The following JAZF1 variants were observed in gnomAD, a reference collection of about 807,000 sequenced individuals.
The protein encoded by JAZF1 is juxtaposed with another zinc finger protein 1.
JAZF1 carries 8 observed loss-of-function variants against 26.4 expected under a neutral mutation model. The observed-to-expected ratio is 0.30, with a 90% CI of 0.18 to 0.55. JAZF1 has a LOEUF of 0.55. Ranked by LOEUF, JAZF1 falls within the 20% of genes least tolerant of loss-of-function variation. JAZF1 has a pLI of 0.94. For synonymous variants in JAZF1, 126 were observed against 122.3 expected (o/e 1.03, Z -0.20); for missense variants, 199 against 322.0 (o/e 0.62, Z 2.92).
chr7:27,850,233 T>C (rs1416462535), intron 3 of JAZF1, among the ~76,000 whole-genome samples: 1 of 152,196 alleles, frequency 6.6e-6, no homozygotes, highest in Non-Finnish European at 1.5e-5. Flanking sequence ...TGACCCACTT[T>C]ATAGGAGCTG....
At chr7:28,091,389 C>T (rs1009439278) in intron 1 of JAZF1, among the ~76,000 whole-genome samples, 4 of 151,752 alleles carry the variant, frequency 2.6e-5, no homozygotes, top group African/African-American at 9.7e-5. Flanking sequence ...GAGGCATTTT[C>T]CCTTGCTCCC....
intron 1 of JAZF1, among the ~76,000 whole-genome samples, chr7:28,077,382 T>A (rs1784068525): frequency 6.6e-6 from 1 of 152,236 alleles, no homozygotes; most frequent in Admixed American, 6.5e-5. Context: ...TTAATTATTT[T>A]ACTGATTTAG....
intron 1 of JAZF1, among the ~76,000 whole-genome samples, chr7:28,049,006 T>C: frequency 7.5e-6 from 1 of 134,128 alleles, no homozygotes. Flanking sequence ...CTTCCCTTCC[T>C]TCCTCCCTCC....
intron 3 of JAZF1, among the ~76,000 whole-genome samples, chr7:27,868,750 G>T (rs1243166981): frequency 6.6e-6 from 1 of 152,168 alleles, no homozygotes; most frequent in Non-Finnish European, 1.5e-5. Context: ...CTGTTTGTGG[G>T]ATCTTGGGGA....
In JAZF1 at chr7:27,840,191, T is replaced by C. The variant is rs976952199; in HGVS notation, c.555+507A>G. 3.3e-5 allele frequency among the ~76,000 whole-genome samples: 5 copies of C among 152,160 alleles called. No homozygotes were observed. Among genetic ancestry groups the C allele is most frequent in the Admixed American group, 3.3e-4 (5 of 15,284 alleles). ...CCTTTTTTCTCCTGATCCCCTTTCA[T>C]GCCACTGGGTGGAAGGAAGCAAGAA... is the stretch of plus-strand genomic sequence containing the variant. On this transcript the variant is annotated intron_variant, in intron 4 of 4. Transcript: ENST00000283928. The surrounding 1 kb of genome is among the most constrained non-coding windows in gnomAD (Gnocchi z 5.1).
chr7:28,106,552 A>G (rs1343514671), intron 1 of JAZF1, among the ~76,000 whole-genome samples: 1 of 152,236 alleles, frequency 6.6e-6, no homozygotes, highest in African/African-American at 2.4e-5. Context: ...ATCACCTTCT[A>G]ACATAAACAT....
At chr7:28,092,696 A>G (rs1012329892) in intron 1 of JAZF1, among the ~76,000 whole-genome samples, 1 of 151,806 alleles carries the variant, frequency 6.6e-6, no homozygotes, top group Non-Finnish European at 1.5e-5. Context: ...ACAAAAAGAA[A>G]AAAAACCAAA....
intron 2 of JAZF1, among the ~76,000 whole-genome samples, chr7:27,952,413 T>C (rs1324324013): frequency 6.6e-6 from 1 of 152,232 alleles, no homozygotes; most frequent in African/African-American, 2.4e-5. Flanking sequence ...CCAATGTCAA[T>C]AGGGGACCTT....
intron 1 of JAZF1, among the ~76,000 whole-genome samples, chr7:28,179,062 G>A (rs1433888354): frequency 6.6e-6 from 1 of 152,210 alleles, no homozygotes; most frequent in Non-Finnish European, 1.5e-5. Context: ...TAAATACACA[G>A]CAGTCGTGAT....
intron 1 of JAZF1, among the ~76,000 whole-genome samples, chr7:28,038,135 C>T (rs533821177): frequency 1.3e-5 from 2 of 152,240 alleles, no homozygotes; most frequent in South Asian, 2.1e-4. Flanking sequence ...GCTAATGCAA[C>T]ACAATACAAA....
intron 1 of JAZF1, among the ~76,000 whole-genome samples, chr7:28,140,584 T>C (rs905485412): frequency 1.3e-5 from 2 of 151,552 alleles, no homozygotes; most frequent in Non-Finnish European, 2.9e-5. Flanking sequence ...AGAACATGTA[T>C]GCCCTTAAAA....
At position 27,885,579 on chromosome 7, in the gene JAZF1, C is replaced by A. The variant is rs573365140; in HGVS notation, c.385+9641G>T. On this transcript the variant is annotated intron_variant, in intron 3 of 4. Transcript: ENST00000283928. Reference sequence around the variant, plus strand: ...TATGAGGCCTTTATCAGACACATGGCTTGCAAATATTTTCACCTATTCTGA... The same window carrying A: ...TATGAGGCCTTTATCAGACACATGGATTGCAAATATTTTCACCTATTCTGA... Among the ~76,000 whole-genome samples the A allele has an allele frequency of 8.7e-4, 133 of 152,288 alleles. No homozygotes were observed. The Middle Eastern group carries it at 0.01, about 12-fold the overall frequency.
At chr7:27,954,396 G>A (rs1042109546) in intron 2 of JAZF1, among the ~76,000 whole-genome samples, 3 of 152,120 alleles carry the variant, frequency 2.0e-5, no homozygotes, top group East Asian at 1.9e-4. Flanking sequence ...GAGTATGGTC[G>A]GCAGTGGGTG....
chr7:28,179,712 C>T (rs1783606274), intron 1 of JAZF1, among the ~76,000 whole-genome samples: 1 of 148,030 alleles, frequency 6.8e-6, no homozygotes, highest in African/African-American at 2.4e-5. Flanking sequence ...GCACCCAGAG[C>T]CCCCGGGCCC....
chr7:28,037,486 T>C (rs1341260538), intron 1 of JAZF1, among the ~76,000 whole-genome samples: 1 of 152,136 alleles, frequency 6.6e-6, no homozygotes, highest in Non-Finnish European at 1.5e-5. Flanking sequence ...CATAGTGAGA[T>C]AAAAGTGGAA....
At chr7:27,867,635 CG>C (rs1286683905) in intron 3 of JAZF1, among the ~76,000 whole-genome samples, 1 of 152,172 alleles carries the variant, frequency 6.6e-6, no homozygotes, top group Non-Finnish European at 1.5e-5. Context: ...AAACGTTATG[CG>C]GGTGACAAAC....
At chr7:27,993,048 T>C (rs1452522926) in intron 1 of JAZF1, among the ~76,000 whole-genome samples, 3 of 152,200 alleles carry the variant, frequency 2.0e-5, no homozygotes, top group Admixed American at 6.5e-5. Context: ...AATGACAGCA[T>C]AAAAATCAAT....
Position 27,832,322 on chromosome 7 carries a change from A to G in JAZF1, c.*478T>C, listed in dbSNP as rs1228917273. The G allele has an allele frequency of 1.4e-5, 3 of 216,768 alleles. No homozygotes were observed. Among genetic ancestry groups the G allele is most frequent in the African/African-American group, 6.7e-5 (3 of 44,490 alleles). 13.4% of individuals were successfully genotyped at this position (216,768 alleles called of 1,614,324 possible). ...ACCTAAAGTCTTTCTACTCACAAAT[A>G]CTAACTCCATTATGTAAGGCATGGT... is the stretch of plus-strand genomic sequence containing the variant. On this transcript the variant is annotated 3_prime_UTR_variant, in exon 5 of 5. Transcript: ENST00000283928.
chr7:28,047,763 AC>A (rs1364026424), intron 1 of JAZF1, among the ~76,000 whole-genome samples: 16 of 152,132 alleles, frequency 1.1e-4, no homozygotes, highest in Non-Finnish European at 1.9e-4. Context: ...AGCAAATTAC[AC>A]TGATTTCCTA....
Sources: allele counts gnomAD v4.1 joint callset (sites outside exome capture counted in the v4.1 genomes callset), GRCh38; gene constraint gnomAD v4.1.1; non-coding constraint Gnocchi (gnomAD v3.1); transcripts MANE v1.5; gene names NCBI Gene and HGNC (gene_info 2026-07-23, HGNC 2026-07-21).